The following PLXDC2 variants were observed in gnomAD, a reference collection of about 807,000 sequenced individuals.
PLXDC2 encodes plexin domain-containing protein 2.
PLXDC2 carries 40 observed loss-of-function variants against 68.9 expected under a neutral mutation model. That is an observed-to-expected ratio of 0.58 (90% CI 0.45 to 0.76). The LOEUF (loss-of-function observed/expected upper bound fraction) is 0.76. Ranked by LOEUF, PLXDC2 falls within the 30% of genes least tolerant of loss-of-function variation. The pLI is 0.00. For missense variants in PLXDC2, 644 were observed against 661.9 expected (o/e 0.97, Z 0.30); for synonymous variants, 243 against 234.2 (o/e 1.04, Z -0.34).
At chr10:20,085,067 T>C (rs1833172414) in intron 4 of PLXDC2, among the ~76,000 whole-genome samples, 1 of 152,024 alleles carries the variant, frequency 6.6e-6, no homozygotes, top group African/African-American at 2.4e-5. Context: ...GCATTTCTTT[T>C]TTCCTCCAGA....
chr10:20,134,610 A>G (rs956488249), intron 4 of PLXDC2, among the ~76,000 whole-genome samples: 2 of 152,144 alleles, frequency 1.3e-5, no homozygotes, highest in African/African-American at 2.4e-5. Flanking sequence ...TCCTGGGTCA[A>G]TGAGTTTGGG....
intron 1 of PLXDC2, among the ~76,000 whole-genome samples, chr10:19,991,348 T>C (rs1013537192): frequency 4.1e-4 from 10 of 24,274 alleles, no homozygotes; most frequent in East Asian, 1.6e-3. Context: ...TCATTTTCCC[T>C]TTTTTTTTTT....
At chr10:19,819,406 A>G (rs1434482330) in intron 1 of PLXDC2, among the ~76,000 whole-genome samples, 1 of 152,238 alleles carries the variant, frequency 6.6e-6, no homozygotes, top group South Asian at 2.1e-4. Context: ...CTTACTGAAT[A>G]TATAAAAAAA....
At position 19,934,129 on chromosome 10, in the gene PLXDC2, T is replaced by G. The variant is rs545987320; in HGVS notation, c.113-67646T>G. Among the ~76,000 whole-genome samples the G allele has an allele frequency of 7.9e-5, 12 of 152,344 alleles. No homozygotes were observed. The East Asian group carries it at 2.1e-3, about 27-fold the overall frequency. ...ATCATTGGGATACCACTTCATTACC[T>G]TATACAATCACTGTAGTCTGTCGTG... is the stretch of plus-strand genomic sequence containing the variant. On this transcript the variant is annotated intron_variant, in intron 1 of 13. Transcript: ENST00000377252.
intron 1 of PLXDC2, among the ~76,000 whole-genome samples, chr10:19,915,886 A>ACG: frequency 6.9e-6 from 1 of 144,212 alleles, no homozygotes; most frequent in South Asian, 2.3e-4. Context: ...AGAAGAAGAA[A>ACG]AAAAACAGCT....
chr10:20,176,287 CAT>C (rs1834525911), intron 7 of PLXDC2, among the ~76,000 whole-genome samples: 1 of 151,750 alleles, frequency 6.6e-6, no homozygotes, highest in South Asian at 2.1e-4. Context: ...AAATAAAAAT[CAT>C]ATGTATTTGA....
chr10:20,096,879 T>C (rs546766702), intron 4 of PLXDC2, among the ~76,000 whole-genome samples: 1 of 152,252 alleles, frequency 6.6e-6, no homozygotes, highest in East Asian at 1.9e-4. Context: ...GCAAACAACC[T>C]ACTCTTCTAA....
chr10:19,936,594 A>G (rs965914112), intron 1 of PLXDC2, among the ~76,000 whole-genome samples: 9 of 152,150 alleles, frequency 5.9e-5, no homozygotes, highest in Admixed American at 1.3e-4. Flanking sequence ...CTACTGGTGC[A>G]CTGGGGCGGG....
chr10:20,082,045 G>GAAAAAAAAAAAAAAAAAAAAAAA (rs1439512108), intron 4 of PLXDC2, among the ~76,000 whole-genome samples: 2 of 9,610 alleles, frequency 2.1e-4, no homozygotes, highest in Non-Finnish European at 3.1e-4. Flanking sequence ...AACTCCATCT[G>GAAAAAAAAAAAAAAAAAAAAAAA]AAAAAAAAAA....
Position 20,279,993 on chromosome 10 carries a change from A to T in PLXDC2, c.*174A>T. 1.7e-6 allele frequency: 1 copy of T among 581,308 alleles called. No individual in the cohort carries two copies. Among genetic ancestry groups the T allele is most frequent in the Admixed American group, 3.1e-5 (1 of 32,400 alleles). 36.0% of individuals were successfully genotyped at this position (581,308 alleles called of 1,614,324 possible). A position where few individuals can be genotyped will look rare whatever the true frequency, so the allele number is the denominator to read the frequency against. ...AGCCCAGGAAACAAAGGGTAAACAA[A>T]AAACTAAAACTTATACAAGATACCA... On this transcript the variant is annotated 3_prime_UTR_variant, in exon 14 of 14. Coordinates refer to ENST00000377252, the MANE Select transcript of PLXDC2 (RefSeq NM_032812.9).
At chr10:20,257,733 A>C (rs1425816719) in intron 13 of PLXDC2, among the ~76,000 whole-genome samples, 1 of 152,220 alleles carries the variant, frequency 6.6e-6, no homozygotes, top group Non-Finnish European at 1.5e-5. Flanking sequence ...GAAACAGAAG[A>C]AAGTGACATA....
chr10:20,080,432 G>A (rs921274791), intron 4 of PLXDC2, among the ~76,000 whole-genome samples: 4 of 152,188 alleles, frequency 2.6e-5, no homozygotes, highest in African/African-American at 7.2e-5. Context: ...AGCCAACAGT[G>A]TAGTCTTCAT....
At chr10:20,270,297 T>C (rs1835921827) in intron 13 of PLXDC2, among the ~76,000 whole-genome samples, 1 of 152,146 alleles carries the variant, frequency 6.6e-6, no homozygotes, top group African/African-American at 2.4e-5. Context: ...TGAAAGGGTT[T>C]TCAATCAGTT....
chr10:20,155,604 T>A (rs986884227), intron 6 of PLXDC2, among the ~76,000 whole-genome samples: 2 of 152,194 alleles, frequency 1.3e-5, no homozygotes, highest in African/African-American at 4.8e-5. Flanking sequence ...CTTCCCTATA[T>A]TTTAAACAAG....
intron 1 of PLXDC2, among the ~76,000 whole-genome samples, chr10:19,929,898 C>G (rs1833597475): frequency 6.6e-6 from 1 of 152,136 alleles, no homozygotes; most frequent in Non-Finnish European, 1.5e-5. Context: ...GTGGTAGTGC[C>G]TGTTATTCTG....
chr10:19,858,317 G>C (rs1280501783), intron 1 of PLXDC2, among the ~76,000 whole-genome samples: 1 of 152,134 alleles, frequency 6.6e-6, no homozygotes, highest in Non-Finnish European at 1.5e-5. Flanking sequence ...TTAACTGTGG[G>C]CTCCTGAGGT....
At chr10:20,266,459 T>C (rs549157694) in intron 13 of PLXDC2, among the ~76,000 whole-genome samples, 1 of 151,990 alleles carries the variant, frequency 6.6e-6, no homozygotes, top group South Asian at 2.1e-4. Context: ...CAAAATGAAA[T>C]ACATTTTTAA....
chr10:19,899,027 A>C (rs1385810206), intron 1 of PLXDC2, among the ~76,000 whole-genome samples: 2 of 152,162 alleles, frequency 1.3e-5, no homozygotes, highest in South Asian at 2.1e-4. Context: ...AAATAAAAAC[A>C]ACCCAGAAAC....
chr10:20,219,110 T>A lies in PLXDC2; in HGVS notation c.1312+8T>A, dbSNP rs1238060260. On this transcript the variant is annotated splice_region_variant and intron_variant, in intron 12 of 13. Transcript: ENST00000377252. ...ATCTAAAAGATAATGGAGGTAGGAA[T>A]TGATACTTTTCTTTCATAAACATCT... 1 of 1,601,640 alleles carries A rather than the reference T, an allele frequency of 6.2e-7. No homozygotes were observed.
Sources: allele counts gnomAD v4.1 joint callset (sites outside exome capture counted in the v4.1 genomes callset), GRCh38; gene constraint gnomAD v4.1.1; transcripts MANE v1.5; gene names NCBI Gene and HGNC (gene_info 2026-07-23, HGNC 2026-07-21).